Variants in MREG observed in about 807,000 individuals in gnomAD.
The protein encoded by MREG is dilute suppressor protein homolog.
MREG carries 31 observed loss-of-function variants against 28.5 expected under a neutral mutation model. That is an observed-to-expected ratio of 1.09 (90% CI 0.82 to 1.47). MREG has a LOEUF of 1.47. Ranked by LOEUF, MREG falls within the 40% of genes most tolerant of loss-of-function variation. The probability of loss-of-function intolerance (pLI) is 0.00; values close to 1 mark genes in which losing one functional copy is unlikely to be tolerated. For missense variants in MREG, 256 were observed against 257.4 expected, an observed-to-expected ratio of 0.99 and a Z score of 0.04; for synonymous variants, 106 against 95.2, an observed-to-expected ratio of 1.11 and a Z score of -0.66.
chr2:216,000,917 A>C (rs1302283260), intron 1 of MREG, among the ~76,000 whole-genome samples: 1 of 151,926 alleles, frequency 6.6e-6, no homozygotes, highest in Non-Finnish European at 1.5e-5. Flanking sequence ...GCCACAATTT[A>C]TTTTCCTATT....
rs368689148 is a variant in MREG, at chr2:215,947,018, C to G, written c.346+5G>C. On this transcript the variant is annotated splice_donor_5th_base_variant and intron_variant, in intron 3 of 4. Transcript: ENST00000263268. ...TTACCATTTCACAATCTCTTTTAGACTTACCTAAATCTTCTAAGATGCACT... is the reference window on the plus strand; with the variant it reads ...TTACCATTTCACAATCTCTTTTAGAGTTACCTAAATCTTCTAAGATGCACT... 180 of 1,545,980 alleles carry G rather than the reference C, an allele frequency of 1.2e-4. No individual in the cohort carries two copies. The African/African-American group carries it at 1.8e-3, about 15-fold the overall frequency.
intron 4 of MREG, 83 bp downstream of exon 4, chr2:215,945,488 G>A: frequency 6.7e-7 from 1 of 1,485,614 alleles, no homozygotes. Flanking sequence ...TGGTGGTGTT[G>A]GAATACGGAG....
intron 1 of MREG, among the ~76,000 whole-genome samples, chr2:216,030,920 A>C (rs1694672921): frequency 7.5e-6 from 1 of 133,468 alleles, no homozygotes; most frequent in Admixed American, 8.2e-5. Context: ...GCCCACTATG[A>C]GGCCCATTCT....
intron 2 of MREG, among the ~76,000 whole-genome samples, chr2:215,963,014 G>C (rs905333497): frequency 3.6e-4 from 55 of 152,300 alleles, no homozygotes; most frequent in African/African-American, 1.3e-3. Context: ...TGTAGCCCCA[G>C]CTTCTCAGGT....
intron 2 of MREG, among the ~76,000 whole-genome samples, chr2:215,964,115 G>GA (rs1032030460): frequency 1.2e-4 from 18 of 152,048 alleles, no homozygotes; most frequent in African/African-American, 2.4e-4. Context: ...ACAGTTAGGG[G>GA]AAAAAACCAC....
At chr2:215,998,307 C>CAAA (rs1222506866) in intron 1 of MREG, among the ~76,000 whole-genome samples, 38 of 123,880 alleles carry the variant, frequency 3.1e-4, no homozygotes, top group African/African-American at 1.0e-3. Context: ...CTCCATCTCA[C>CAAA]AAAAAAAAAA....
intron 2 of MREG, among the ~76,000 whole-genome samples, chr2:215,953,792 GGCCCTT>G (rs1176894515): frequency 6.6e-6 from 1 of 152,126 alleles, no homozygotes; most frequent in Non-Finnish European, 1.5e-5. Context: ...TTCTTTTTCT[GGCCCTT>G]GCATTGGAAA....
chr2:216,029,887 A>G (rs1381605571), intron 1 of MREG, among the ~76,000 whole-genome samples: 1 of 152,216 alleles, frequency 6.6e-6, no homozygotes, highest in Admixed American at 6.5e-5. Flanking sequence ...TGTGCATGCC[A>G]AGCAAACCAA....
At chr2:215,973,976 T>C (rs3770535) in intron 2 of MREG, among the ~76,000 whole-genome samples, 62,473 of 152,096 alleles carry the variant, frequency 0.41, 13,127 homozygotes, top group East Asian at 0.47. Context: ...ACTAGGTTAA[T>C]TTGCACTCGG....
rs1692230120 is a variant in MREG, at chr2:215,943,365, T to C, written c.*1498A>G. 2.2e-6 allele frequency: 1 copy of C among 456,330 alleles called. No individual in the cohort carries two copies. The highest frequency in any genetic ancestry group is 2.0e-5 in the African/African-American group (1 of 50,066). 28.3% of individuals were successfully genotyped at this position (456,330 alleles called of 1,614,324 possible). A position where few individuals can be genotyped will look rare whatever the true frequency, so the allele number is the denominator to read the frequency against. On this transcript the variant is annotated 3_prime_UTR_variant, in exon 5 of 5. Coordinates refer to ENST00000263268, the MANE Select transcript of MREG (RefSeq NM_018000.3). Reference sequence around the variant, plus strand: ...CAGCATTGCTCCCTTTTGAAAATTATCTTCTGAAGAGAAGAAGGTCCAGCA... The same window carrying C: ...CAGCATTGCTCCCTTTTGAAAATTACCTTCTGAAGAGAAGAAGGTCCAGCA...
At chr2:215,999,602 A>T (rs1339201897) in intron 1 of MREG, among the ~76,000 whole-genome samples, 2 of 152,242 alleles carry the variant, frequency 1.3e-5, no homozygotes, top group African/African-American at 4.8e-5. Context: ...TGCTAAACAA[A>T]TACATAATTT....
chr2:216,026,510 G>A (rs901903254), intron 1 of MREG, among the ~76,000 whole-genome samples: 5 of 151,938 alleles, frequency 3.3e-5, no homozygotes, highest in African/African-American at 9.7e-5. Flanking sequence ...ACAGGCATGC[G>A]CCACCATGCC....
upstream of MREG, among the ~76,000 whole-genome samples, chr2:216,015,272 A>T (rs1462317955): frequency 6.6e-6 from 1 of 152,066 alleles, no homozygotes; most frequent in Non-Finnish European, 1.5e-5. Context: ...CCTCGCTGAG[A>T]CTGTGACATG....
intron 1 of MREG, among the ~76,000 whole-genome samples, chr2:216,024,113 T>C (rs1037632575): frequency 5.3e-5 from 8 of 152,190 alleles, no homozygotes; most frequent in African/African-American, 1.9e-4. Flanking sequence ...TCCCTTGCCA[T>C]GCCGAGCCTT....
rs1196554933 is a variant in MREG at position 216,011,012 on chromosome 2, T to C, written c.95+2221A>G. On this transcript the variant is annotated intron_variant, in intron 1 of 4. Transcript: ENST00000263268. ...TCGGGAGGCTGAGGCAGGAGAATGG[T>C]GTCAGCCTGGGAGGCGGAGCTTGCA... Among the ~76,000 whole-genome samples the C allele has an allele frequency of 6.7e-5, 10 of 149,626 alleles. No homozygotes were observed. The Admixed American group carries it at 6.7e-4, about 10-fold the overall frequency.
upstream of MREG, among the ~76,000 whole-genome samples, chr2:216,016,937 A>G (rs973167281): frequency 9.9e-5 from 15 of 152,244 alleles, no homozygotes; most frequent in Non-Finnish European, 2.2e-4. Context: ...AATTAATTTT[A>G]AGTTCTAAAA....
intron 4 of MREG, 89 bp from the exon 5 acceptor site, chr2:215,945,086 A>C: frequency 1.5e-6 from 2 of 1,324,058 alleles, no homozygotes; most frequent in Non-Finnish European, 2.0e-6. Flanking sequence ...CAACAACAAA[A>C]CCCACCCTGG....
intron 2 of MREG, among the ~76,000 whole-genome samples, chr2:215,967,831 G>A (rs1272318443): frequency 6.6e-6 from 1 of 152,116 alleles, no homozygotes; most frequent in Non-Finnish European, 1.5e-5. Flanking sequence ...TGGCCCATGT[G>A]TCATAGTGAG....
upstream of MREG, among the ~76,000 whole-genome samples, chr2:216,014,655 A>T (rs1299565158): frequency 3.3e-5 from 5 of 151,150 alleles, no homozygotes; most frequent in Non-Finnish European, 5.9e-5. Context: ...TCTCAAAAAA[A>T]AAAAAATAAA....
Sources: gnomAD v4.1 joint callset for allele counts (sites outside exome capture counted in the v4.1 genomes callset) on GRCh38, gnomAD v4.1.1 for gene constraint, MANE v1.5 for transcripts, NCBI Gene and HGNC (gene_info 2026-07-23, HGNC 2026-07-21) for gene names.